Variants in RTN4R observed in about 807,000 individuals in gnomAD.
RTN4R encodes reticulon 4 receptor, also known as reticulon-4 receptor.
A neutral mutation model predicts 27.7 loss-of-function variants in RTN4R; 4 were observed. The observed-to-expected ratio is 0.14, with a 90% CI of 0.07 to 0.33. The LOEUF (loss-of-function observed/expected upper bound fraction) is 0.33. RTN4R is among the 10% of genes least tolerant of loss of function. The probability of loss-of-function intolerance (pLI) is 1.00; values close to 1 mark genes in which losing one functional copy is unlikely to be tolerated. For missense variants in RTN4R, 554 were observed against 671.5 expected, an observed-to-expected ratio of 0.83 and a Z score of 1.93; for synonymous variants, 290 against 305.6, an observed-to-expected ratio of 0.95 and a Z score of 0.53.
chr22:20,262,035 CG>C (rs2051250703), intron 1 of RTN4R, among the ~76,000 whole-genome samples: 2 of 152,186 alleles, frequency 1.3e-5, no homozygotes, highest in African/African-American at 4.8e-5. Context: ...GGCAGGGAGC[CG>C]GGGCCGGCTG....
intron 1 of RTN4R, among the ~76,000 whole-genome samples, chr22:20,260,043 G>C (rs1054439380): frequency 5.3e-5 from 8 of 152,164 alleles, no homozygotes; most frequent in Non-Finnish European, 8.8e-5. Flanking sequence ...AGGATGAGGA[G>C]GGGAGGACCC....
Position 20,241,950 on chromosome 22 carries a change from G to C in RTN4R, c.1183C>G (p.Leu395Val). 1 of 1,608,910 alleles carries C rather than the reference G, an allele frequency of 6.2e-7. No homozygotes were observed. Among genetic ancestry groups the C allele is most frequent in the Non-Finnish European group, 8.5e-7 (1 of 1,179,634 alleles). ...GTLPGSAEPP[L>V]TAVRPEGSEP... Reference sequence around the variant, plus strand: ...GAGCCCTCGGGCCGCACTGCAGTGAGCGGGGGCTCAGCAGAGCCAGGCAGA... The same window carrying C: ...GAGCCCTCGGGCCGCACTGCAGTGACCGGGGGCTCAGCAGAGCCAGGCAGA... The change falls in exon 2 of 2, where the codon CTC becomes GTC. Residue 395 changes from leucine (L) to valine (V), a missense_variant. Physicochemically the swap from Leu to Val is conservative, Grantham distance 32 (BLOSUM62 1). Coordinates refer to ENST00000043402, the MANE Select transcript of RTN4R (RefSeq NM_023004.6).
intron 1 of RTN4R, 173 bp from the exon 2 acceptor site, chr22:20,243,283 G>A (rs1274656889): frequency 1.4e-6 from 1 of 692,072 alleles, no homozygotes. Flanking sequence ...TGCTTCACAG[G>A]CCTCATGGAC....
At chr22:20,251,871 CATCATCACT>C (rs2051182167) in intron 1 of RTN4R, among the ~76,000 whole-genome samples, 1 of 48,574 alleles carries the variant, frequency 2.1e-5, no homozygotes. Flanking sequence ...TCCTCATCAC[CATCATCACT>C]ATCACTATCA....
chr22:20,267,468 C>G (rs1230131938), intron 1 of RTN4R: 2 of 351,352 alleles, frequency 5.7e-6, no homozygotes, highest in Non-Finnish European at 1.2e-5. Flanking sequence ...CCCAGCCAAG[C>G]CTCTCAATGT....
Position 20,241,496 on chromosome 22 carries a change from C to G in RTN4R, c.*215G>C. ...AATGCATATCTCTATATACCGCGATCTGGGTGGGAGGCGGCGTTCTGGAAC... is the reference window on the plus strand; with the variant it reads ...AATGCATATCTCTATATACCGCGATGTGGGTGGGAGGCGGCGTTCTGGAAC... On this transcript the variant is annotated 3_prime_UTR_variant, in exon 2 of 2. Transcript: ENST00000043402. 2 of 595,846 alleles carry G rather than the reference C, an allele frequency of 3.4e-6. No individual in the cohort carries two copies. The highest frequency in any genetic ancestry group is 6.0e-6 in the Non-Finnish European group (2 of 333,556). The allele number at this position is 595,846 out of a possible 1,614,324, so 36.9% of individuals were successfully genotyped here.
At chr22:20,253,176 C>A (rs2051194204) in intron 1 of RTN4R, among the ~76,000 whole-genome samples, 1 of 152,224 alleles carries the variant, frequency 6.6e-6, no homozygotes, top group Admixed American at 6.5e-5. Context: ...GAGGGGGCAG[C>A]AGCCAGGCTG....
At position 20,241,565 on chromosome 22, in the gene RTN4R, G is replaced by A; in HGVS notation, c.*146C>T. On this transcript the variant is annotated 3_prime_UTR_variant, in exon 2 of 2. Transcript: ENST00000043402. Reference sequence around the variant, plus strand: ...CTGTAAACATGATGGGGTGGAGATGGGGGTGGCGGGCGGCAGGCGTCCATC... The same window carrying A: ...CTGTAAACATGATGGGGTGGAGATGAGGGTGGCGGGCGGCAGGCGTCCATC... 1 of 795,244 alleles carries A rather than the reference G, an allele frequency of 1.3e-6. No individual in the cohort carries two copies. Among genetic ancestry groups the A allele is most frequent in the Non-Finnish European group, 2.0e-6 (1 of 496,516 alleles). 49.3% of individuals were successfully genotyped at this position (795,244 alleles called of 1,614,324 possible).
intron 1 of RTN4R, among the ~76,000 whole-genome samples, chr22:20,248,282 G>A (rs2051154160): frequency 6.6e-6 from 1 of 152,204 alleles, no homozygotes; most frequent in Non-Finnish European, 1.5e-5. Context: ...ACAGCCCCAG[G>A]GCTAGCGGGC....
Position 20,242,767 on chromosome 22 carries a change from G to A in RTN4R, c.366C>T (p.Asp122=). The part of the protein sequence containing the change: ...LSDNAQLRSV[D]PATFHGLGRL... ...GGCCCAGGCCGTGGAATGTGGCAGG[G>A]TCCACAGACCGGAGCTGTGCATTAT... The change falls in exon 2 of 2, where the codon GAC becomes GAT. Residue 122 remains aspartate, a synonymous_variant. Transcript: ENST00000043402. 2 of 1,612,808 alleles carry A rather than the reference G, an allele frequency of 1.2e-6. No homozygotes were observed. The highest frequency in any genetic ancestry group is 1.7e-6 in the Non-Finnish European group (2 of 1,179,808).
chr22:20,267,720 C>T (rs548862052), intron 1 of RTN4R: 2 of 439,674 alleles, frequency 4.5e-6, no homozygotes, highest in South Asian at 1.7e-5. Flanking sequence ...CTCGTTAACC[C>T]CTTGGTGGCC....
intron 1 of RTN4R, among the ~76,000 whole-genome samples, chr22:20,258,422 C>T (rs539520298): frequency 6.6e-6 from 1 of 152,328 alleles, no homozygotes; most frequent in African/African-American, 2.4e-5. Context: ...AATGGGGCCA[C>T]CATGGGAGCC....
Position 20,255,740 on chromosome 22 carries a change from A to C in RTN4R, c.22+12331T>G. 1.4e-5 allele frequency among the ~76,000 whole-genome samples: 2 copies of C among 138,104 alleles called. No homozygotes were observed. The highest frequency in any genetic ancestry group is 3.1e-5 in the Non-Finnish European group (2 of 64,062). 90.6% of individuals were successfully genotyped at this position (138,104 alleles called of 152,430 possible). A position where few individuals can be genotyped will look rare whatever the true frequency, so the allele number is the denominator to read the frequency against. ...TCCTTGTCACAGATCTGAGCCCCCC[A>C]CTCCAGGCTGGGGCCCCTCAGGAGC... On this transcript the variant is annotated intron_variant, in intron 1 of 1. Coordinates refer to ENST00000043402, the MANE Select transcript of RTN4R (RefSeq NM_023004.6). The surrounding 1 kb of genome is among the most constrained non-coding windows in gnomAD (Gnocchi z 4.8).
chr22:20,247,350 C>T (rs910639148), intron 1 of RTN4R, among the ~76,000 whole-genome samples: 9 of 152,222 alleles, frequency 5.9e-5, no homozygotes, highest in Non-Finnish European at 1.2e-4. Flanking sequence ...GCTCAGTGCA[C>T]CAAGGCCAGA....
chr22:20,257,227 C>A (rs978030089), intron 1 of RTN4R, among the ~76,000 whole-genome samples: 1 of 152,226 alleles, frequency 6.6e-6, no homozygotes, highest in Non-Finnish European at 1.5e-5. Flanking sequence ...GCTCCAGCAC[C>A]CCAGTGCCAA....
chr22:20,256,974 C>T (rs1430888705), intron 1 of RTN4R, among the ~76,000 whole-genome samples: 1 of 152,262 alleles, frequency 6.6e-6, no homozygotes, highest in African/African-American at 2.4e-5. Flanking sequence ...TAGCAGGCTT[C>T]TGTGTAGCTT....
In RTN4R at chr22:20,242,766, G is replaced by C. The variant is rs755283140; in HGVS notation, c.367C>G (p.Pro123Ala). The change falls in exon 2 of 2, where the codon CCT (proline) becomes GCT (alanine). Residue 123 changes from proline to alanine, a missense_variant. Around this residue, in one of 2 missense-constraint regions of RTN4R, gnomAD observed 413 missense variants for 542.3 expected, o/e 0.76. Coordinates refer to ENST00000043402, the MANE Select transcript of RTN4R (RefSeq NM_023004.6). ...SDNAQLRSVD[P>A]ATFHGLGRLH... is the part of the protein sequence containing the mutation. ...CGGCCCAGGCCGTGGAATGTGGCAG[G>C]GTCCACAGACCGGAGCTGTGCATTA... 3.1e-6 allele frequency: 5 copies of C among 1,612,774 alleles called. No homozygotes were observed. Among genetic ancestry groups the C allele is most frequent in the Non-Finnish European group, 3.4e-6 (4 of 1,179,794 alleles).
chr22:20,258,945 C>A (rs774192984), intron 1 of RTN4R, among the ~76,000 whole-genome samples: 1 of 152,030 alleles, frequency 6.6e-6, no homozygotes, highest in Non-Finnish European at 1.5e-5. Flanking sequence ...CACTGTCTCT[C>A]AGCCAGGAGG....
intron 1 of RTN4R, among the ~76,000 whole-genome samples, chr22:20,251,395 G>C (rs112525813): frequency 1.3e-5 from 2 of 151,714 alleles, no homozygotes; most frequent in Non-Finnish European, 2.9e-5. Context: ...CACCCTCCAC[G>C]GCCTCAGGCC....
Sources: allele counts gnomAD v4.1 joint callset (sites outside exome capture counted in the v4.1 genomes callset), GRCh38; gene constraint gnomAD v4.1.1; regional missense constraint gnomAD v4.1.1; non-coding constraint Gnocchi (gnomAD v3.1); transcripts MANE v1.5; gene names NCBI Gene and HGNC (gene_info 2026-07-23, HGNC 2026-07-21).